NHS: variants seen among roughly 807,000 people sequenced by gnomAD.
NHS encodes the protein NHS actin remodeling regulator, also known as actin remodeling regulator NHS.
NHS carries 5 observed loss-of-function variants against 72.5 expected under a neutral mutation model. That is an observed-to-expected ratio of 0.07 (90% confidence interval 0.04 to 0.14). NHS has a LOEUF of 0.14. NHS is among the 10% of genes least tolerant of loss of function. The probability of loss-of-function intolerance (pLI) is 1.00; values close to 1 mark genes in which losing one functional copy is unlikely to be tolerated. For missense variants in NHS, 1,072 were observed against 1,355.7 expected (o/e 0.79, Z 3.29); for synonymous variants, 464 against 547.7 (o/e 0.85, Z 2.13).
intron 3 of NHS, among the ~76,000 whole-genome samples, chrX:17,700,061 A>G (rs1029868648): frequency 1.6e-4 from 18 of 111,950 alleles, no homozygotes; most frequent in Non-Finnish European, 3.4e-4. Flanking sequence ...ACCTTGGAAG[A>G]AAAATTGAGG....
rs1213819769 is a variant in NHS, at chrX:17,718,962, AGGAGGGAAGGAAGAAAGGAT to A, written c.853-366_853-347del. 7.1e-5 allele frequency among the ~76,000 whole-genome samples: 7 copies of A among 98,037 alleles called. 1 individual carries two copies. In the South Asian group the frequency reaches 2.6e-3, roughly 36 times the overall value. 85.1% of individuals were successfully genotyped at this position (98,037 alleles called of 115,157 possible). A position where few individuals can be genotyped will look rare whatever the true frequency, so the allele number is the denominator to read the frequency against. The stretch of plus-strand genomic sequence containing the variant: ...GAAGGAAGGAAGAAGGAGGGAAGGA[AGGAGGGAAGGAAGAAAGGAT>A]GGAGGGAAGGAAGAAGGAATGGAAG... On this transcript the variant is annotated intron_variant, in intron 3 of 8. Transcript: ENST00000676302.
Position 17,661,127 on chromosome X carries a change from C to T in NHS, c.566-26615C>T, listed in dbSNP as rs751500283. Among the ~76,000 whole-genome samples the T allele has an allele frequency of 5.4e-5, 6 of 111,876 alleles. No individual in the cohort carries two copies. In the South Asian group the frequency reaches 1.9e-3, roughly 35 times the overall value. On this transcript the variant is annotated intron_variant, in intron 1 of 8. Coordinates refer to ENST00000676302, the MANE Select transcript of NHS (RefSeq NM_001291867.2). ...GAAGTGTGTGACTTCTGCTCTCTTGCCGCTGCCATACTGTCTCAAAGGTAT... is the reference window on the plus strand; with the variant it reads ...GAAGTGTGTGACTTCTGCTCTCTTGTCGCTGCCATACTGTCTCAAAGGTAT...
At chrX:17,486,577 G>A (rs1270400707) in intron 1 of NHS, among the ~76,000 whole-genome samples, 1 of 111,580 alleles carries the variant, frequency 9.0e-6, no homozygotes, top group Non-Finnish European at 1.9e-5. Flanking sequence ...AAGCACAGGA[G>A]GACAAGCCCC....
At chrX:17,454,352 A>G (rs1455226204) in intron 1 of NHS, among the ~76,000 whole-genome samples, 1 of 111,994 alleles carries the variant, frequency 8.9e-6, no homozygotes, top group Non-Finnish European at 1.9e-5. Flanking sequence ...CCTCATGGAC[A>G]CCATCTGGTC....
chrX:17,382,358 C>T, intron 1 of NHS, among the ~76,000 whole-genome samples: 1 of 111,667 alleles, frequency 9.0e-6, no homozygotes, highest in Non-Finnish European at 1.9e-5. Context: ...CTTGCCTTTT[C>T]AATCTCTTAG....
intron 1 of NHS, among the ~76,000 whole-genome samples, chrX:17,615,193 C>T (rs9723449): frequency 5.9e-5 from 5 of 84,449 alleles, no homozygotes; most frequent in African/African-American, 2.4e-4. Context: ...AGTATATATA[C>T]ACATATATAC....
intron 1 of NHS, among the ~76,000 whole-genome samples, chrX:17,602,219 A>C (rs770957781): frequency 5.2e-4 from 58 of 112,216 alleles, no homozygotes; most frequent in African/African-American, 1.8e-3. Flanking sequence ...AACAAACAAA[A>C]AAACAGAGAA....
At chrX:17,723,236 C>A (rs2066416096) in intron 5 of NHS, among the ~76,000 whole-genome samples, 2 of 112,031 alleles carry the variant, frequency 1.8e-5, no homozygotes, top group Admixed American at 9.4e-5. Flanking sequence ...CATTATACAG[C>A]TGAACCAAGA....
intron 1 of NHS, among the ~76,000 whole-genome samples, chrX:17,444,481 G>A (rs1214189615): frequency 8.9e-6 from 1 of 112,200 alleles, no homozygotes; most frequent in African/African-American, 3.2e-5. Context: ...AAATGCTGGT[G>A]CCTGAGTCCC....
intron 1 of NHS, among the ~76,000 whole-genome samples, chrX:17,650,958 G>A (rs936134413): frequency 8.9e-6 from 1 of 112,149 alleles, no homozygotes; most frequent in Non-Finnish European, 1.9e-5. Context: ...GCTAGTAGAA[G>A]AATGAAAGCT....
chrX:17,663,787 C>A (rs746783022), intron 1 of NHS, among the ~76,000 whole-genome samples: 5 of 111,690 alleles, frequency 4.5e-5, no homozygotes, highest in Non-Finnish European at 9.4e-5. Flanking sequence ...AAGAAACTGG[C>A]AGAGATTCTT....
At chrX:17,408,524 C>T (rs1191276188) in intron 1 of NHS, among the ~76,000 whole-genome samples, 2 of 111,274 alleles carry the variant, frequency 1.8e-5, no homozygotes, top group Non-Finnish European at 3.8e-5. Flanking sequence ...CAGCCCCATC[C>T]CCAGTGCCCA....
rs748863990 is a variant in NHS at position 17,712,371 on chromosome X, C to G, written c.853-6973C>G. 7.0e-5 allele frequency among the ~76,000 whole-genome samples: 6 copies of G among 85,226 alleles called. No homozygotes were observed. The Admixed American group carries it at 7.7e-4, about 11-fold the overall frequency. The allele number at this position is 85,226 out of a possible 115,157, so 74.0% of individuals were successfully genotyped here. On this transcript the variant is annotated intron_variant, in intron 3 of 8. Transcript: ENST00000676302. The stretch of plus-strand genomic sequence containing the variant: ...TGTAACACATTTGTATACACACACA[C>G]ACACACACACACACACACACACATA...
intron 2 of NHS, 122 bp from the exon 3 acceptor site, chrX:17,692,213 G>A: frequency 1.2e-6 from 1 of 863,117 alleles, no homozygotes; most frequent in Non-Finnish European, 1.7e-6. Flanking sequence ...ATTCAAATTA[G>A]CTAAAGTAAT....
At position 17,400,577 on chromosome X, in the gene NHS, C is replaced by T. The variant is rs766748935; in HGVS notation, c.565+24255C>T. 2.8e-5 allele frequency among the ~76,000 whole-genome samples: 3 copies of T among 106,928 alleles called. No homozygotes were observed. In the South Asian group the frequency reaches 1.3e-3, roughly 45 times the overall value. The allele number at this position is 106,928 out of a possible 115,157, so 92.9% of individuals were successfully genotyped here. A position where few individuals can be genotyped will look rare whatever the true frequency, so the allele number is the denominator to read the frequency against. On this transcript the variant is annotated intron_variant, in intron 1 of 8. Coordinates refer to ENST00000676302, the MANE Select transcript of NHS (RefSeq NM_001291867.2). The stretch of plus-strand genomic sequence containing the variant: ...CTGTAGCTTGGGTGACAGAGCAAGA[C>T]TCCATGTCAAAAAGAAAAAAAAAAA...
At position 17,712,361 on chromosome X, in the gene NHS, TACACAC is replaced by T. The variant is rs745619023; in HGVS notation, c.853-6955_853-6950del. On this transcript the variant is annotated intron_variant, in intron 3 of 8. Coordinates refer to ENST00000676302, the MANE Select transcript of NHS (RefSeq NM_001291867.2). ...TGTTTTCAAATGTAACACATTTGTA[TACACAC>T]ACACACACACACACACACACACACA... Among the ~76,000 whole-genome samples, 237 of 77,069 alleles carry T rather than the reference TACACAC, an allele frequency of 3.1e-3. 1 individual carries two copies. The highest frequency in any genetic ancestry group is 0.012 in the African/African-American group (218 of 18,414). 66.9% of individuals were successfully genotyped at this position (77,069 alleles called of 115,157 possible).
At chrX:17,456,233 C>G (rs974583203) in intron 1 of NHS, among the ~76,000 whole-genome samples, 1 of 112,008 alleles carries the variant, frequency 8.9e-6, no homozygotes, top group East Asian at 2.8e-4. Context: ...AAAATCTAGG[C>G]TTCTGGCCCC....
At chrX:17,640,543 G>A (rs942833975) in intron 1 of NHS, among the ~76,000 whole-genome samples, 13 of 112,281 alleles carry the variant, frequency 1.2e-4, no homozygotes, top group African/African-American at 3.9e-4. Flanking sequence ...TCAGCTTCAA[G>A]GAACTGAGGC....
At chrX:17,514,278 T>C (rs1186026650) in intron 1 of NHS, among the ~76,000 whole-genome samples, 1 of 112,390 alleles carries the variant, frequency 8.9e-6, no homozygotes, top group Non-Finnish European at 1.9e-5. Context: ...GGCAGACCTA[T>C]CCTTAATCCA....
Sources: gnomAD v4.1 joint callset for allele counts (sites outside exome capture counted in the v4.1 genomes callset) on GRCh38, gnomAD v4.1.1 for gene constraint, MANE v1.5 for transcripts, NCBI Gene and HGNC (gene_info 2026-07-23, HGNC 2026-07-21) for gene names.